DYNC1LI2: variants seen among roughly 807,000 people sequenced by gnomAD.
DYNC1LI2 encodes dynein cytoplasmic 1 light intermediate chain 2.
Under a neutral mutation model 57.8 loss-of-function variants are expected in DYNC1LI2, and 19 were observed. The ratio of observed to expected loss-of-function variants is 0.33; its 90% CI spans 0.23 to 0.48. DYNC1LI2 has a LOEUF of 0.48. DYNC1LI2 is among the 20% of genes least tolerant of loss of function. The pLI is 0.99. For missense variants in DYNC1LI2, 470 were observed against 604.2 expected (o/e 0.78, Z 2.33); for synonymous variants, 256 against 233.4 (o/e 1.10, Z -0.88).
intron 3 of DYNC1LI2, among the ~76,000 whole-genome samples, chr16:66,745,538 A>C (rs1384144966): frequency 2.1e-5 from 3 of 144,916 alleles, no homozygotes; most frequent in Non-Finnish European, 4.6e-5. Context: ...TCAGCCTCAC[A>C]AAGTGCTGGG....
chr16:66,734,492 G>GTTT (rs201846587), intron 5 of DYNC1LI2, among the ~76,000 whole-genome samples, 181 bp from the exon 6 acceptor site: 1 of 146,130 alleles, frequency 6.8e-6, no homozygotes. Flanking sequence ...CTTGGGCCTC[G>GTTT]TTTTTTTTTT....
chr16:66,739,573 T>C (rs1444153660), intron 4 of DYNC1LI2, among the ~76,000 whole-genome samples: 1 of 152,176 alleles, frequency 6.6e-6, no homozygotes, highest in African/African-American at 2.4e-5. Context: ...TAGCCAGGAC[T>C]ACAGGCATGT....
chr16:66,750,848 T>A (rs2018032650), intron 2 of DYNC1LI2, among the ~76,000 whole-genome samples: 1 of 152,016 alleles, frequency 6.6e-6, no homozygotes, highest in Admixed American at 6.6e-5. Flanking sequence ...CTCTGCAAAG[T>A]CCCTAAAACC....
chr16:66,746,654 G>C (rs1264675216), intron 3 of DYNC1LI2, among the ~76,000 whole-genome samples: 1 of 152,172 alleles, frequency 6.6e-6, no homozygotes, highest in Non-Finnish European at 1.5e-5. Context: ...TGAAACAGAA[G>C]AGGCTATAGA....
chr16:66,724,386 C>T (rs1300549081), intron 12 of DYNC1LI2, among the ~76,000 whole-genome samples: 1 of 152,118 alleles, frequency 6.6e-6, no homozygotes, highest in Non-Finnish European at 1.5e-5. Context: ...GGAATACTAC[C>T]AGCCCAGAGT....
Position 66,723,672 on chromosome 16 carries a change from C to G in DYNC1LI2, c.*50G>C. The G allele has an allele frequency of 6.5e-7, 1 of 1,535,122 alleles. No individual in the cohort carries two copies. The highest frequency in any genetic ancestry group is 8.8e-7 in the Non-Finnish European group (1 of 1,131,098). ...CAGAAAAATCCTGGTCTTAGCAGATCAATATACATAGTTATTTGGTCATTC... is the reference window on the plus strand; with the variant it reads ...CAGAAAAATCCTGGTCTTAGCAGATGAATATACATAGTTATTTGGTCATTC... On this transcript the variant is annotated 3_prime_UTR_variant, in exon 13 of 13. Transcript: ENST00000258198.
intron 2 of DYNC1LI2, among the ~76,000 whole-genome samples, chr16:66,750,195 C>A (rs1597000937): frequency 6.6e-6 from 1 of 152,208 alleles, no homozygotes; most frequent in African/African-American, 2.4e-5. Flanking sequence ...AAACTCAGAT[C>A]TGGTGATCTT....
At chr16:66,727,208 G>T (rs1038677990) in intron 11 of DYNC1LI2, among the ~76,000 whole-genome samples, 1 of 152,094 alleles carries the variant, frequency 6.6e-6, no homozygotes, top group Non-Finnish European at 1.5e-5. Flanking sequence ...ATGAGCCACT[G>T]CATCTGGCCT....
At position 66,732,486 on chromosome 16, in the gene DYNC1LI2, G is replaced by A. The variant is rs1184652614; in HGVS notation, c.794-12C>T. Reference sequence around the variant, plus strand: ...CAAGGCAGCTCCATCTAATCAATCTGCTCAAGAAAAATCAATTCACTGCAG... The same window carrying A: ...CAAGGCAGCTCCATCTAATCAATCTACTCAAGAAAAATCAATTCACTGCAG... On this transcript the variant is annotated splice_polypyrimidine_tract_variant and intron_variant, in intron 6 of 12. Transcript: ENST00000258198. 6.2e-7 allele frequency: 1 copy of A among 1,605,480 alleles called. No homozygotes were observed. The highest frequency in any genetic ancestry group is 8.5e-7 in the Non-Finnish European group (1 of 1,178,004).
intron 4 of DYNC1LI2, among the ~76,000 whole-genome samples, chr16:66,736,795 T>C (rs559830705): frequency 6.6e-6 from 1 of 152,226 alleles, no homozygotes; most frequent in Non-Finnish European, 1.5e-5. Context: ...TGAGCCACCA[T>C]GTCTGGCCCT....
chr16:66,727,827 G>A (rs1403879597), intron 10 of DYNC1LI2, 22 bp from the exon 11 acceptor site: 1 of 1,590,404 alleles, frequency 6.3e-7, no homozygotes, highest in South Asian at 1.1e-5. Flanking sequence ...AGCAGCTAAG[G>A]TCACACACAG....
At chr16:66,729,404 G>C (rs995104668) in intron 8 of DYNC1LI2, among the ~76,000 whole-genome samples, 2 of 151,948 alleles carry the variant, frequency 1.3e-5, no homozygotes, top group African/African-American at 4.8e-5. Context: ...GGACTTAATG[G>C]GAAACACCAC....
intron 3 of DYNC1LI2, 38 bp downstream of exon 3, chr16:66,749,159 C>T: frequency 1.2e-6 from 2 of 1,603,322 alleles, no homozygotes; most frequent in Non-Finnish European, 1.7e-6. Flanking sequence ...CAGAGTCCTG[C>T]ATACACCCCC....
At chr16:66,736,311 T>C (rs966442465) in intron 4 of DYNC1LI2, 67 bp from the exon 5 acceptor site, 54 of 1,557,698 alleles carry the variant, frequency 3.5e-5, no homozygotes, top group Non-Finnish European at 4.4e-5. Flanking sequence ...TTTAGAACAC[T>C]GAAAAGAAGG....
At position 66,736,068 on chromosome 16, in the gene DYNC1LI2, C is replaced by T; in HGVS notation, c.699+7G>A. The T allele has an allele frequency of 6.2e-7, 1 of 1,612,450 alleles. No individual in the cohort carries two copies. The highest frequency in any genetic ancestry group is 8.5e-7 in the Non-Finnish European group (1 of 1,178,688). On this transcript the variant is annotated splice_region_variant and intron_variant, in intron 5 of 12. Coordinates refer to ENST00000258198, the MANE Select transcript of DYNC1LI2 (RefSeq NM_006141.3). The stretch of plus-strand genomic sequence containing the variant: ...CCCAGCCAAGCCAACAACCCCCTGG[C>T]ACACACCTTTGTGCACACCACCAAC...
chr16:66,734,202 A>T lies in DYNC1LI2; in HGVS notation c.793+16T>A, dbSNP rs1233719149. ...AAAGCCTGTGACCCAGGCCCCACACAGCGCCCAAAGGATACACTGAAGGCA... is the reference window on the plus strand; with the variant it reads ...AAAGCCTGTGACCCAGGCCCCACACTGCGCCCAAAGGATACACTGAAGGCA... On this transcript the variant is annotated intron_variant, in intron 6 of 12. Transcript: ENST00000258198. The T allele has an allele frequency of 3.7e-6, 6 of 1,613,496 alleles. No individual in the cohort carries two copies. In the South Asian group the frequency reaches 6.6e-5, roughly 18 times the overall value.
intron 11 of DYNC1LI2, among the ~76,000 whole-genome samples, chr16:66,727,341 G>C (rs963341377): frequency 6.6e-6 from 1 of 152,164 alleles, no homozygotes; most frequent in Non-Finnish European, 1.5e-5. Flanking sequence ...TGCTATGATC[G>C]TATCACTGTG....
chr16:66,727,107 G>A (rs1194113263), intron 11 of DYNC1LI2, among the ~76,000 whole-genome samples: 2 of 152,032 alleles, frequency 1.3e-5, no homozygotes, highest in Admixed American at 6.5e-5. Context: ...CTGTAGAGGC[G>A]AGGTCTCACT....
intron 9 of DYNC1LI2, among the ~76,000 whole-genome samples, chr16:66,728,781 CAAAG>C (rs1012071410): frequency 1.3e-5 from 2 of 152,154 alleles, no homozygotes; most frequent in African/African-American, 4.8e-5. Flanking sequence ...ACCACATTTC[CAAAG>C]AAAGAGCACT....
Sources: gnomAD v4.1 joint callset for allele counts (sites outside exome capture counted in the v4.1 genomes callset) on GRCh38, gnomAD v4.1.1 for gene constraint, MANE v1.5 for transcripts, NCBI Gene and HGNC (gene_info 2026-07-23, HGNC 2026-07-21) for gene names.